The following RANBP10 variants were observed in gnomAD, a reference collection of about 807,000 sequenced individuals.
The protein encoded by RANBP10 is RAN binding protein 10, also known as ran-binding protein 10.
Under a neutral mutation model 72.8 loss-of-function variants are expected in RANBP10, and 24 were observed. The observed-to-expected ratio is 0.33, with a 90% CI of 0.24 to 0.46. RANBP10 has a LOEUF of 0.46. Ranked by LOEUF, RANBP10 falls within the 20% of genes least tolerant of loss-of-function variation. The pLI, the probability that RANBP10 is intolerant of heterozygous loss-of-function variation, is 1.00. For synonymous variants in RANBP10, 310 were observed against 322.3 expected (o/e 0.96, Z 0.41); for missense variants, 679 against 817.5 (o/e 0.83, Z 2.07).
intron 2 of RANBP10, among the ~76,000 whole-genome samples, chr16:67,799,277 C>G (rs2055189801): frequency 6.8e-6 from 1 of 147,784 alleles, no homozygotes; most frequent in Non-Finnish European, 1.5e-5. Context: ...GTTCTGCGCT[C>G]CACATCTCTT....
chr16:67,766,401 T>C (rs966384566), intron 3 of RANBP10, among the ~76,000 whole-genome samples: 8 of 152,190 alleles, frequency 5.3e-5, no homozygotes, highest in Admixed American at 1.3e-4. Context: ...CCAAATCTCC[T>C]GTTGAAATGT....
At position 67,727,742 on chromosome 16, in the gene RANBP10, A is replaced by G. The variant is rs1437357204; in HGVS notation, c.1620+9T>C. ...GCCTGCTCTGCATGAGGCCCGGCTC[A>G]TCCTGTACCTGCAGCATCTCTGTGT... On this transcript the variant is annotated intron_variant, in intron 12 of 13. Coordinates refer to ENST00000317506, the MANE Select transcript of RANBP10 (RefSeq NM_020850.3). 21 of 1,614,068 alleles carry G rather than the reference A, an allele frequency of 1.3e-5. No homozygotes were observed. In the Middle Eastern group the frequency reaches 4.9e-4, roughly 38 times the overall value.
At chr16:67,757,510 G>A (rs1225966676) in intron 3 of RANBP10, among the ~76,000 whole-genome samples, 2 of 152,150 alleles carry the variant, frequency 1.3e-5, no homozygotes, top group East Asian at 1.9e-4. Flanking sequence ...TGAGCATGGG[G>A]CCGTGTCCAG....
chr16:67,785,198 C>T lies in RANBP10; in HGVS notation c.348-13112G>A, dbSNP rs1458873200. ...CTGCATTCCATCCTGGGTGACAGAT[C>T]GAGAGTCGGTCTCAAAAATAAATAA... On this transcript the variant is annotated intron_variant, in intron 2 of 13. Coordinates refer to ENST00000317506, the MANE Select transcript of RANBP10 (RefSeq NM_020850.3). 4.7e-5 allele frequency among the ~76,000 whole-genome samples: 7 copies of T among 149,226 alleles called. No homozygotes were observed. The Admixed American group carries it at 4.7e-4, about 10-fold the overall frequency.
chr16:67,781,770 C>G (rs1232370436), intron 2 of RANBP10, among the ~76,000 whole-genome samples: 1 of 152,162 alleles, frequency 6.6e-6, no homozygotes, highest in Non-Finnish European at 1.5e-5. Flanking sequence ...TCTGCCCTAT[C>G]TAGCTCAAGA....
chr16:67,800,284 C>T (rs2055211406), intron 2 of RANBP10, among the ~76,000 whole-genome samples: 1 of 152,204 alleles, frequency 6.6e-6, no homozygotes, highest in Admixed American at 6.5e-5. Context: ...GGGCCTGGGC[C>T]CAGACACTGG....
intron 2 of RANBP10, among the ~76,000 whole-genome samples, chr16:67,798,855 T>C (rs1315551452): frequency 2.0e-5 from 3 of 152,094 alleles, no homozygotes; most frequent in Admixed American, 6.6e-5. Flanking sequence ...CATGGGTAGA[T>C]CCACAGCCCC....
intron 2 of RANBP10, among the ~76,000 whole-genome samples, chr16:67,791,876 G>A (rs1049955463): frequency 4.6e-5 from 7 of 151,748 alleles, no homozygotes; most frequent in African/African-American, 1.5e-4. Context: ...TAGTCTAATC[G>A]GCCCACTTAA....
chr16:67,756,006 C>T (rs1402187235), intron 3 of RANBP10, among the ~76,000 whole-genome samples: 1 of 152,214 alleles, frequency 6.6e-6, no homozygotes, highest in African/African-American at 2.4e-5. Context: ...GGCAGGAGGC[C>T]CCAGGTGGCC....
intron 6 of RANBP10, among the ~76,000 whole-genome samples, chr16:67,734,272 C>G (rs1020460816): frequency 6.6e-6 from 1 of 152,246 alleles, no homozygotes; most frequent in East Asian, 1.9e-4. Flanking sequence ...GTCACTGCCT[C>G]ACTCAGGCTT....
At chr16:67,747,896 C>T (rs1026999002) in intron 3 of RANBP10, among the ~76,000 whole-genome samples, 3 of 150,350 alleles carry the variant, frequency 2.0e-5, no homozygotes, top group Admixed American at 6.6e-5. Flanking sequence ...TCTCGGCTCA[C>T]GGCAAGCTCC....
chr16:67,744,593 C>T, intron 3 of RANBP10, 138 bp from the exon 4 acceptor site: 1 of 877,600 alleles, frequency 1.1e-6, no homozygotes, highest in Non-Finnish European at 1.7e-6. Flanking sequence ...CTAGCAGAGC[C>T]ACCAATAGAC....
Position 67,731,494 on chromosome 16 carries a change from C to T in RANBP10, c.867G>A (p.Gln289=), listed in dbSNP as rs1468006791. The T allele has an allele frequency of 6.8e-6, 11 of 1,613,886 alleles. No individual in the cohort carries two copies. The highest frequency in any genetic ancestry group is 9.3e-6 in the Non-Finnish European group (11 of 1,179,738). Residue 289 remains glutamine, a synonymous_variant, in exon 7 of 14, where the codon CAG becomes CAA. Coordinates refer to ENST00000317506, the MANE Select transcript of RANBP10 (RefSeq NM_020850.3). ...TACTTTGTCTGTTCTTTATGGACGCCTGTTCTTCCTGAATCGGGGTTTCAG... is the reference window on the plus strand; with the variant it reads ...TACTTTGTCTGTTCTTTATGGACGCTTGTTCTTCCTGAATCGGGGTTTCAG... ...RMTETPIQEE[Q]ASIKNRQKIQ...
chr16:67,740,719 T>C (rs755211453), intron 4 of RANBP10, among the ~76,000 whole-genome samples: 3 of 152,158 alleles, frequency 2.0e-5, no homozygotes, highest in Non-Finnish European at 2.9e-5. Context: ...CTAGTTCACA[T>C]ATGAAAAAAC....
At chr16:67,776,765 T>A (rs1163117096) in intron 2 of RANBP10, among the ~76,000 whole-genome samples, 1 of 148,598 alleles carries the variant, frequency 6.7e-6, no homozygotes, top group Non-Finnish European at 1.5e-5. Flanking sequence ...GAGCAAGACT[T>A]TGTCTCAAAA....
chr16:67,776,486 A>T (rs1282232269), intron 2 of RANBP10, among the ~76,000 whole-genome samples: 5 of 137,162 alleles, frequency 3.6e-5, no homozygotes, highest in Non-Finnish European at 7.7e-5. Flanking sequence ...AAAAAAAAAA[A>T]GAATTGGCCA....
Position 67,800,015 on chromosome 16 carries a change from G to C in RANBP10, c.347+5413C>G, listed in dbSNP as rs185278969. On this transcript the variant is annotated intron_variant, in intron 2 of 13. Transcript: ENST00000317506. The stretch of plus-strand genomic sequence containing the variant: ...GCACGCCTGTAGTCCCAGCTACTCG[G>C]GAGGGTGAGGCAGGGGAATCACTTG... 5.3e-5 allele frequency among the ~76,000 whole-genome samples: 8 copies of C among 152,256 alleles called. No homozygotes were observed. In the East Asian group the frequency reaches 1.5e-3, roughly 29 times the overall value.
At chr16:67,739,236 G>A (rs2053919333) in intron 4 of RANBP10, among the ~76,000 whole-genome samples, 1 of 152,204 alleles carries the variant, frequency 6.6e-6, no homozygotes, top group Non-Finnish European at 1.5e-5. Context: ...AAAGTGCTGG[G>A]ATTACAGGTG....
At chr16:67,754,150 A>G (rs2054246186) in intron 3 of RANBP10, among the ~76,000 whole-genome samples, 1 of 150,450 alleles carries the variant, frequency 6.6e-6, no homozygotes, top group Non-Finnish European at 1.5e-5. Flanking sequence ...AAAAAAAAAA[A>G]GAGACAAGGA....
Sources: gnomAD v4.1 joint callset for allele counts (sites outside exome capture counted in the v4.1 genomes callset) on GRCh38, gnomAD v4.1.1 for gene constraint, MANE v1.5 for transcripts, NCBI Gene and HGNC (gene_info 2026-07-23, HGNC 2026-07-21) for gene names.